Variants in GPBP1L1 observed in about 807,000 individuals in gnomAD.
GPBP1L1 encodes the protein vasculin-like protein 1.
A neutral mutation model predicts 52.5 loss-of-function variants in GPBP1L1; 23 were observed. That is an observed-to-expected ratio of 0.44 (90% CI 0.32 to 0.62). The LOEUF (loss-of-function observed/expected upper bound fraction) is 0.62, where lower values mean the gene tolerates loss of function less well. Among genes scored for constraint, GPBP1L1 ranks in the 20% least tolerant of loss-of-function variants. The pLI is 0.06. For synonymous variants in GPBP1L1, 243 were observed against 203.1 expected (o/e 1.20, Z -1.67); for missense variants, 596 against 579.3 (o/e 1.03, Z -0.30).
chr1:45,659,278 G>A (rs1644919439), intron 3 of GPBP1L1, 136 bp from the exon 4 acceptor site: 1 of 566,896 alleles, frequency 1.8e-6, no homozygotes, highest in East Asian at 3.1e-5. Flanking sequence ...TACTTACCAA[G>A]CCTTATAACT....
intron 6 of GPBP1L1, among the ~76,000 whole-genome samples, chr1:45,643,687 T>TTTTTTG (rs796900170): frequency 1.7e-5 from 2 of 116,808 alleles, no homozygotes; most frequent in Non-Finnish European, 3.5e-5. Context: ...TTTTTTTTTT[T>TTTTTTG]GTGACAGAGT....
At position 45,642,451 on chromosome 1, in the gene GPBP1L1, T is replaced by C. The variant is rs748550825; in HGVS notation, c.526A>G (p.Ile176Val). 8 of 1,613,918 alleles carry C rather than the reference T, an allele frequency of 5.0e-6. No homozygotes were observed. The highest frequency in any genetic ancestry group is 3.3e-5 in the Admixed American group (2 of 59,996). The change falls in exon 7 of 13, where the codon ATT becomes GTT. Residue 176 changes from isoleucine to valine, a missense_variant. Transcript: ENST00000355105. ...AGKQHQPCRP[I>V]GTPSGVWENP... ...CCCCATACTCCAGAAGGTGTCCCAA[T>C]AGGTCTGCATGGCTGATGCTGTTTG...
chr1:45,631,075 T>C (rs1161088362), intron 10 of GPBP1L1, among the ~76,000 whole-genome samples: 2 of 144,810 alleles, frequency 1.4e-5, no homozygotes, highest in Non-Finnish European at 3.0e-5. Flanking sequence ...GAGGGAACAA[T>C]TGGACAGCCA....
At chr1:45,652,720 AT>A (rs59239639) in intron 6 of GPBP1L1, among the ~76,000 whole-genome samples, 43,415 of 147,450 alleles carry the variant, frequency 0.29, 6,276 homozygotes, top group South Asian at 0.37. Flanking sequence ...TGATTGCTGC[AT>A]TTTTTTTTTT....
intron 2 of GPBP1L1, among the ~76,000 whole-genome samples, chr1:45,683,363 G>A (rs1006950354): frequency 6.6e-6 from 1 of 150,586 alleles, no homozygotes; most frequent in African/African-American, 2.4e-5. Context: ...CTACCACCAC[G>A]CCCAGCTAAT....
chr1:45,658,922 A>G, intron 4 of GPBP1L1, 106 bp downstream of exon 4: 1 of 780,058 alleles, frequency 1.3e-6, no homozygotes, highest in South Asian at 1.5e-5. Context: ...ATCCTGGGTG[A>G]CAGAGGGAGA....
In GPBP1L1 at chr1:45,630,514, C is replaced by T. The variant is rs765022613; in HGVS notation, c.1137G>A (p.Glu379=). ...CTGCTTCTAGAGAGTGTGAGAGAACCTCCCCTTCTTCCACTACAGGGAGGG... is the reference window on the plus strand; with the variant it reads ...CTGCTTCTAGAGAGTGTGAGAGAACTTCCCCTTCTTCCACTACAGGGAGGG... ...GLALPVVEEG[E]VLSHSLEAEH... The change falls in exon 11 of 13, where the codon GAG becomes GAA. Residue 379 remains glutamate, a synonymous_variant. Transcript: ENST00000355105. 6.2e-6 allele frequency: 10 copies of T among 1,613,856 alleles called. No individual in the cohort carries two copies. The highest frequency in any genetic ancestry group is 8.5e-6 in the Non-Finnish European group (10 of 1,179,862).
chr1:45,630,763 G>C (rs889675418), intron 10 of GPBP1L1, 157 bp from the exon 11 acceptor site: 1 of 573,044 alleles, frequency 1.7e-6, no homozygotes, highest in South Asian at 2.1e-5. Flanking sequence ...AGGACCTGCT[G>C]CATCAACAAA....
In GPBP1L1 at chr1:45,630,406, T is replaced by C. The variant is rs543414557; in HGVS notation, c.1169+76A>G. 3 of 1,512,226 alleles carry C rather than the reference T, an allele frequency of 2.0e-6. No individual in the cohort carries two copies. The South Asian group carries it at 3.6e-5, about 18-fold the overall frequency. The allele number at this position is 1,512,226 out of a possible 1,614,324, so 93.7% of individuals were successfully genotyped here. ...TCTCTGCATGTGGGACCTATCTATCTGAGATATCTTCTCCAGTATGTTCAA... is the reference window on the plus strand; with the variant it reads ...TCTCTGCATGTGGGACCTATCTATCCGAGATATCTTCTCCAGTATGTTCAA... On this transcript the variant is annotated intron_variant, in intron 11 of 12. Transcript: ENST00000355105.
At chr1:45,651,767 C>G (rs1214110417) in intron 6 of GPBP1L1, 1 of 326,374 alleles carries the variant, frequency 3.1e-6, no homozygotes, top group Non-Finnish European at 5.6e-6. Flanking sequence ...GGCTCTGCTT[C>G]TTGACGACAG....
In GPBP1L1 at chr1:45,660,215, G is replaced by T. The variant is rs1644932686; in HGVS notation, c.-87C>A. ...GTGTAACCTCTGTGGTCCTGTTTCTGAACTCGAGTCGGCCAGCTGGATCTC... is the reference window on the plus strand; with the variant it reads ...GTGTAACCTCTGTGGTCCTGTTTCTTAACTCGAGTCGGCCAGCTGGATCTC... On this transcript the variant is annotated 5_prime_UTR_variant, in exon 3 of 13. Coordinates refer to ENST00000355105, the MANE Select transcript of GPBP1L1 (RefSeq NM_021639.5). 8 of 985,208 alleles carry T rather than the reference G, an allele frequency of 8.1e-6. No homozygotes were observed. Among genetic ancestry groups the T allele is most frequent in the Non-Finnish European group, 9.6e-6 (8 of 829,924 alleles). The allele number at this position is 985,208 out of a possible 1,614,324, so 61.0% of individuals were successfully genotyped here. A position where few individuals can be genotyped will look rare whatever the true frequency, so the allele number is the denominator to read the frequency against.
At chr1:45,635,265 T>C (rs899190598) in intron 8 of GPBP1L1, 1 of 152,144 alleles carries the variant, frequency 6.6e-6, no homozygotes, top group African/African-American at 2.4e-5. Context: ...CTTTCCACTA[T>C]CCCAAAATGC....
chr1:45,644,867 T>C (rs1297071903), intron 6 of GPBP1L1, among the ~76,000 whole-genome samples: 2 of 152,242 alleles, frequency 1.3e-5, no homozygotes, highest in East Asian at 1.9e-4. Context: ...TAAAGTAGTA[T>C]ACTTCCATAA....
intron 2 of GPBP1L1, among the ~76,000 whole-genome samples, chr1:45,667,443 A>G (rs1473207581): frequency 2.0e-5 from 3 of 152,154 alleles, no homozygotes; most frequent in African/African-American, 7.2e-5. Context: ...GTACTTCACA[A>G]CATGACCTAA....
chr1:45,628,001 T>A lies in GPBP1L1; in HGVS notation c.*255A>T. 2.5e-6 allele frequency: 1 copy of A among 405,510 alleles called. No individual in the cohort carries two copies. Among genetic ancestry groups the A allele is most frequent in the African/African-American group, 2.0e-5 (1 of 49,590 alleles). The allele number at this position is 405,510 out of a possible 1,614,324, so 25.1% of individuals were successfully genotyped here. On this transcript the variant is annotated 3_prime_UTR_variant, in exon 13 of 13. Coordinates refer to ENST00000355105, the MANE Select transcript of GPBP1L1 (RefSeq NM_021639.5). The stretch of plus-strand genomic sequence containing the variant: ...TGTGCATCGCCCCATATATACTGGG[T>A]GTGTATGTGTGTGTGTGTGTGAGTG...
chr1:45,652,834 T>C (rs1425068146), intron 6 of GPBP1L1, among the ~76,000 whole-genome samples: 1 of 152,126 alleles, frequency 6.6e-6, no homozygotes, highest in Non-Finnish European at 1.5e-5. Context: ...CTTTCATTGC[T>C]AGTTTGATAT....
At chr1:45,645,741 C>G in intron 6 of GPBP1L1, 1 of 344,100 alleles carries the variant, frequency 2.9e-6, no homozygotes, top group Non-Finnish European at 5.4e-6. Context: ...CAGGAAAAGT[C>G]TTGGGAACGA....
Position 45,679,163 on chromosome 1 carries a change from T to C in GPBP1L1, c.-1098+6413A>G, listed in dbSNP as rs145008546. Among the ~76,000 whole-genome samples the C allele has an allele frequency of 2.1e-3, 310 of 150,940 alleles. 1 individual carries two copies. The highest frequency in any genetic ancestry group is 7.0e-3 in the African/African-American group (285 of 40,906). ...GGTTGAGAACTATCACTTTTGAGAATTGGGGCAGATAAAAGGGAAAATTGT... is the reference window on the plus strand; with the variant it reads ...GGTTGAGAACTATCACTTTTGAGAACTGGGGCAGATAAAAGGGAAAATTGT... On this transcript the variant is annotated intron_variant, in intron 2 of 12. Coordinates refer to ENST00000355105, the MANE Select transcript of GPBP1L1 (RefSeq NM_021639.5).
intron 6 of GPBP1L1, among the ~76,000 whole-genome samples, chr1:45,645,509 A>T (rs1394760559): frequency 6.6e-6 from 1 of 152,180 alleles, no homozygotes; most frequent in East Asian, 1.9e-4. Context: ...TTCACCAGTG[A>T]CCAAAATGTT....
Sources: allele counts gnomAD v4.1 joint callset (sites outside exome capture counted in the v4.1 genomes callset), GRCh38; gene constraint gnomAD v4.1.1; transcripts MANE v1.5; gene names NCBI Gene and HGNC (gene_info 2026-07-23, HGNC 2026-07-21).